PTPRG: variants seen among roughly 807,000 people sequenced by gnomAD.
PTPRG encodes protein tyrosine phosphatase receptor type G.
In PTPRG, 102 loss-of-function variants were observed where a neutral mutation model predicts 165.3. The ratio of observed to expected loss-of-function variants is 0.62; its 90% CI spans 0.53 to 0.73. The LOEUF (loss-of-function observed/expected upper bound fraction) is 0.73, where lower values mean the gene tolerates loss of function less well. PTPRG is among the 30% of genes least tolerant of loss of function. PTPRG has a pLI of 0.00. For synonymous variants in PTPRG, 675 were observed against 669.5 expected (o/e 1.01, Z -0.13); for missense variants, 1,866 against 1,861.4 (o/e 1.00, Z -0.05).
intron 29 of PTPRG, 165 bp downstream of exon 29, chr3:62,292,721 G>A (rs1702944009): frequency 2.8e-6 from 2 of 706,154 alleles, no homozygotes; most frequent in Non-Finnish European, 4.6e-6. Context: ...ATGGCATCTA[G>A]AGGATACAAG....
At chr3:61,626,451 G>A (rs1282881982) in intron 1 of PTPRG, among the ~76,000 whole-genome samples, 1 of 152,118 alleles carries the variant, frequency 6.6e-6, no homozygotes, top group African/African-American at 2.4e-5. Flanking sequence ...TTTCCATACT[G>A]GCAGAATGTG....
At chr3:61,685,644 C>T (rs889654354) in intron 1 of PTPRG, among the ~76,000 whole-genome samples, 1 of 152,184 alleles carries the variant, frequency 6.6e-6, no homozygotes, top group Admixed American at 6.5e-5. Flanking sequence ...AGCTGAGTAG[C>T]AAGTTCTTTG....
At chr3:62,052,530 C>G (rs910973310) in intron 4 of PTPRG, among the ~76,000 whole-genome samples, 2 of 152,070 alleles carry the variant, frequency 1.3e-5, no homozygotes, top group Non-Finnish European at 2.9e-5. Flanking sequence ...TGCATCTCTA[C>G]AAAAAAATTT....
chr3:62,169,690 A>G (rs749880315), intron 8 of PTPRG, among the ~76,000 whole-genome samples: 1 of 152,136 alleles, frequency 6.6e-6, no homozygotes, highest in East Asian at 1.9e-4. Flanking sequence ...GAAAAGGGAT[A>G]TTTCCCAACC....
At chr3:62,046,028 C>T (rs1478380273) in intron 4 of PTPRG, among the ~76,000 whole-genome samples, 5 of 152,122 alleles carry the variant, frequency 3.3e-5, no homozygotes, top group Non-Finnish European at 5.9e-5. Context: ...CCCTTCTCTT[C>T]CCCCTGTGAG....
At chr3:61,562,844 A>G (rs1699798006) in intron 1 of PTPRG, among the ~76,000 whole-genome samples, 1 of 152,022 alleles carries the variant, frequency 6.6e-6, no homozygotes, top group Non-Finnish European at 1.5e-5. Context: ...GCTGTTCTCC[A>G]TCCCTTTGGG....
intron 4 of PTPRG, among the ~76,000 whole-genome samples, chr3:62,048,192 GAAGA>G (rs1559766199): frequency 2.0e-5 from 3 of 150,886 alleles, no homozygotes; most frequent in African/African-American, 7.3e-5. Flanking sequence ...CTTAAAAAAA[GAAGA>G]AAGAAAACAA....
chr3:62,018,142 A>G (rs62243280), intron 4 of PTPRG, among the ~76,000 whole-genome samples: 32,474 of 152,200 alleles, frequency 0.21, 3,696 homozygotes, highest in Admixed American at 0.29. Flanking sequence ...CATAGTGAAC[A>G]AGACAAGCAA....
intron 2 of PTPRG, among the ~76,000 whole-genome samples, chr3:61,884,893 G>A (rs2037986259): frequency 6.6e-6 from 1 of 152,114 alleles, no homozygotes; most frequent in Non-Finnish European, 1.5e-5. Context: ...AATTCCCCTA[G>A]CAAAAGAAAA....
At chr3:62,133,804 G>T (rs1703605201) in intron 6 of PTPRG, among the ~76,000 whole-genome samples, 1 of 152,084 alleles carries the variant, frequency 6.6e-6, no homozygotes, top group Non-Finnish European at 1.5e-5. Context: ...GGCCAACATG[G>T]TGAGACTCTG....
At chr3:61,919,467 G>T (rs895085938) in intron 2 of PTPRG, among the ~76,000 whole-genome samples, 30 of 152,130 alleles carry the variant, frequency 2.0e-4, no homozygotes, top group African/African-American at 7.2e-4. Context: ...GAAATTCCAG[G>T]GTCTAAACAG....
intron 27 of PTPRG, among the ~76,000 whole-genome samples, chr3:62,281,981 C>T (rs1401629898): frequency 6.6e-6 from 1 of 151,872 alleles, no homozygotes; most frequent in African/African-American, 2.4e-5. Flanking sequence ...TCAATATTTT[C>T]TTTGCCATCA....
At chr3:61,908,261 ATTAAAAATGCAAAAC>A (rs1382759608) in intron 2 of PTPRG, among the ~76,000 whole-genome samples, 1 of 151,262 alleles carries the variant, frequency 6.6e-6, no homozygotes, top group Non-Finnish European at 1.5e-5. Flanking sequence ...CCCTGTCTCT[ATTAAAAATGCAAAAC>A]TTAGCCAGGC....
rs116745436 is a variant in PTPRG, at chr3:61,593,914, G to A, written c.85+31542G>A. Among the ~76,000 whole-genome samples, 862 of 152,220 alleles carry A rather than the reference G, an allele frequency of 5.7e-3. 11 individuals are homozygous for A. The highest frequency in any genetic ancestry group is 0.02 in the African/African-American group (820 of 41,530). On this transcript the variant is annotated intron_variant, in intron 1 of 29. Coordinates refer to ENST00000474889, the MANE Select transcript of PTPRG (RefSeq NM_002841.4). ...AGATCTGTGTATTATCACAGCAAAC[G>A]AATTCTCTTTTTTCCTTAATCACTT...
intron 2 of PTPRG, among the ~76,000 whole-genome samples, chr3:61,885,795 C>T (rs576800914): frequency 2.1e-5 from 3 of 144,672 alleles, no homozygotes; most frequent in South Asian, 2.4e-4. Context: ...GTGCAGTTCC[C>T]GCCTCAGCTT....
chr3:62,138,443 G>T (rs145382194), intron 6 of PTPRG, among the ~76,000 whole-genome samples: 3 of 152,168 alleles, frequency 2.0e-5, no homozygotes, highest in African/African-American at 7.2e-5. Context: ...TGTGGGCCGG[G>T]TGCAGTGGCT....
In PTPRG at chr3:62,213,916, G is replaced by A. The variant is rs371931472; in HGVS notation, c.2156-4935G>A. 1.9e-3 allele frequency among the ~76,000 whole-genome samples: 293 copies of A among 152,252 alleles called. 2 individuals are homozygous for A. Among genetic ancestry groups the A allele is most frequent in the African/African-American group, 6.6e-3 (276 of 41,548 alleles). The stretch of plus-strand genomic sequence containing the variant: ...GGACACAGCAAGAAGTACGGGGGCC[G>A]TGCACAGTGGCTCACACCTATAATC... On this transcript the variant is annotated intron_variant, in intron 12 of 29. Coordinates refer to ENST00000474889, the MANE Select transcript of PTPRG (RefSeq NM_002841.4). The surrounding 1 kb of genome is among the most constrained non-coding windows in gnomAD (Gnocchi z 4.4).
At chr3:62,125,128 A>C (rs1423587617) in intron 5 of PTPRG, among the ~76,000 whole-genome samples, 4 of 152,188 alleles carry the variant, frequency 2.6e-5, no homozygotes, top group Admixed American at 2.0e-4. Flanking sequence ...ATAACTATAA[A>C]GGGGTATTTA....
At chr3:62,241,402 C>T (rs1701157246) in intron 14 of PTPRG, among the ~76,000 whole-genome samples, 1 of 152,174 alleles carries the variant, frequency 6.6e-6, no homozygotes, top group Admixed American at 6.5e-5. Context: ...TGATGTGCAG[C>T]AAGGTACAGA....
Sources: gnomAD v4.1 joint callset for allele counts (sites outside exome capture counted in the v4.1 genomes callset) on GRCh38, gnomAD v4.1.1 for gene constraint, Gnocchi (gnomAD v3.1) non-coding constraint, MANE v1.5 for transcripts, NCBI Gene and HGNC (gene_info 2026-07-23, HGNC 2026-07-21) for gene names.